The following PATJ variants were observed in gnomAD, a reference collection of about 807,000 sequenced individuals.
PATJ encodes PATJ crumbs cell polarity complex component.
Under a neutral mutation model 224.9 loss-of-function variants are expected in PATJ, and 190 were observed. That is an observed-to-expected ratio of 0.84 (90% CI 0.75 to 0.95). The LOEUF is 0.95. Among genes scored for constraint, PATJ ranks in the 40% least tolerant of loss-of-function variants. PATJ has a pLI of 0.00. For missense variants in PATJ, 2,121 were observed against 2,270.3 expected (o/e 0.93, Z 1.34); for synonymous variants, 769 against 820.3 (o/e 0.94, Z 1.07).
intron 14 of PATJ, among the ~76,000 whole-genome samples, chr1:61,811,798 A>G (rs1160020425): frequency 6.6e-6 from 1 of 150,882 alleles, no homozygotes; most frequent in Non-Finnish European, 1.5e-5. Context: ...GCGGTGGCTC[A>G]CGCCTGTAAT....
chr1:61,806,202 T>G (rs1341186027), intron 13 of PATJ, among the ~76,000 whole-genome samples: 1 of 152,242 alleles, frequency 6.6e-6, no homozygotes, highest in Non-Finnish European at 1.5e-5. Flanking sequence ...ACATTTCTAC[T>G]CTCATTCACA....
intron 17 of PATJ, among the ~76,000 whole-genome samples, chr1:61,838,854 A>T (rs898370379): frequency 3.3e-5 from 5 of 152,102 alleles, no homozygotes; most frequent in East Asian, 3.9e-4. Context: ...GTGGAAGATT[A>T]CTGATACTCC....
chr1:62,117,333 C>T (rs1165347846), intron 37 of PATJ, 115 bp downstream of exon 37: 1 of 1,467,592 alleles, frequency 6.8e-7, no homozygotes, highest in South Asian at 1.4e-5. Context: ...ATATTCACAG[C>T]ACCAAGTTTA....
chr1:61,884,161 C>A, intron 21 of PATJ, 76 bp from the exon 22 acceptor site: 1 of 1,107,208 alleles, frequency 9.0e-7, no homozygotes, highest in Non-Finnish European at 1.3e-6. Flanking sequence ...ATAGTAGGTG[C>A]CCATACCTAG....
At chr1:61,765,467 T>A (rs959955153) in intron 3 of PATJ, among the ~76,000 whole-genome samples, 7 of 151,800 alleles carry the variant, frequency 4.6e-5, no homozygotes, top group Non-Finnish European at 8.8e-5. Flanking sequence ...CACTGTAGCC[T>A]CCACCTGCGG....
At chr1:62,107,036 A>G (rs190361461) in intron 33 of PATJ, among the ~76,000 whole-genome samples, 12 of 151,518 alleles carry the variant, frequency 7.9e-5, no homozygotes, top group East Asian at 2.0e-4. Flanking sequence ...GGCTGGGTGC[A>G]GTGGCTCACA....
chr1:61,842,858 G>T (rs563145009), intron 17 of PATJ, among the ~76,000 whole-genome samples: 6 of 152,294 alleles, frequency 3.9e-5, no homozygotes, highest in African/African-American at 1.4e-4. Context: ...CAATGGATGT[G>T]TTCTGGAGTT....
At chr1:62,039,712 A>G (rs1228472259) in intron 30 of PATJ, among the ~76,000 whole-genome samples, 1 of 152,154 alleles carries the variant, frequency 6.6e-6, no homozygotes, top group African/African-American at 2.4e-5. Flanking sequence ...GGGAAGGAGT[A>G]CAGGCTTCCT....
chr1:61,910,176 T>G (rs1291151965), intron 25 of PATJ, among the ~76,000 whole-genome samples: 1 of 152,242 alleles, frequency 6.6e-6, no homozygotes, highest in Admixed American at 6.5e-5. Context: ...ATCAATAATT[T>G]TGAATGAGAA....
At position 62,117,175 on chromosome 1, in the gene PATJ, C is replaced by G. The variant is rs41289430; in HGVS notation, c.4847C>G (p.Ala1616Gly). ...CAGCTAGAGATTGGAAGACTCCGAG[C>G]TGGTTCCTGGACCTCCGCAAGGACG... is the stretch of plus-strand genomic sequence containing the variant. ...LVQLEIGRLR[A>G]GSWTSARTTS... is the part of the protein sequence containing the mutation. The change falls in exon 37 of 44, where the codon GCT becomes GGT. Residue 1616 changes from alanine (A) to glycine (G), a missense_variant. Physicochemically the swap from Ala to Gly is moderately conservative, Grantham distance 60 (BLOSUM62 0). Transcript: ENST00000642238. 31,377 of 1,613,984 alleles carry G rather than the reference C, an allele frequency of 0.019. 378 individuals are homozygous for G. The highest frequency in any genetic ancestry group is 0.024 in the Non-Finnish European group (28,482 of 1,179,884).
At chr1:61,746,750 T>A (rs1014265747) in intron 1 of PATJ, among the ~76,000 whole-genome samples, 1 of 151,910 alleles carries the variant, frequency 6.6e-6, no homozygotes, top group African/African-American at 2.4e-5. Flanking sequence ...GCTAACATAT[T>A]CATTGTAGAA....
chr1:61,948,398 G>T (rs1282082361), intron 27 of PATJ, among the ~76,000 whole-genome samples: 1 of 152,160 alleles, frequency 6.6e-6, no homozygotes, highest in East Asian at 1.9e-4. Flanking sequence ...CAAAAAGTGG[G>T]CAAAGGATAT....
At chr1:61,986,833 T>C (rs1456157766) in intron 27 of PATJ, among the ~76,000 whole-genome samples, 1 of 152,150 alleles carries the variant, frequency 6.6e-6, no homozygotes, top group Non-Finnish European at 1.5e-5. Flanking sequence ...TTTGTTTTGT[T>C]TGTTGGTGAT....
chr1:61,923,440 A>G (rs1674626652), intron 26 of PATJ, among the ~76,000 whole-genome samples: 1 of 152,216 alleles, frequency 6.6e-6, no homozygotes, highest in South Asian at 2.1e-4. Context: ...CAAAGTTAGG[A>G]GGCCAGGAGA....
intron 13 of PATJ, among the ~76,000 whole-genome samples, chr1:61,808,249 A>G (rs1190755014): frequency 1.3e-5 from 2 of 152,178 alleles, no homozygotes; most frequent in African/African-American, 2.4e-5. Context: ...TGTTCAATTT[A>G]TGTAATTTAG....
chr1:61,757,568 TAGATAC>T (rs753020781), intron 1 of PATJ, among the ~76,000 whole-genome samples: 5 of 151,902 alleles, frequency 3.3e-5, no homozygotes, highest in Admixed American at 1.3e-4. Flanking sequence ...GTGTTTTATG[TAGATAC>T]AGGGCTTTGC....
chr1:61,940,736 A>G (rs1260524405), intron 27 of PATJ, among the ~76,000 whole-genome samples: 1 of 150,728 alleles, frequency 6.6e-6, no homozygotes, highest in African/African-American at 2.5e-5. Flanking sequence ...AAAAAAAAAG[A>G]GAAAAAGAAA....
At chr1:62,010,910 C>T (rs76337898) in intron 28 of PATJ, among the ~76,000 whole-genome samples, 4,493 of 152,284 alleles carry the variant, frequency 0.03, 169 homozygotes, top group African/African-American at 0.079. Flanking sequence ...TCTACATCAT[C>T]ACTTGCTGCT....
chr1:61,959,434 C>CTT (rs1367332894), intron 27 of PATJ, among the ~76,000 whole-genome samples: 25 of 115,972 alleles, frequency 2.2e-4, no homozygotes, highest in African/African-American at 3.4e-4. Context: ...TATTTTTTTT[C>CTT]TTTTCTTTTT....
Sources: gnomAD v4.1 joint callset for allele counts (sites outside exome capture counted in the v4.1 genomes callset) on GRCh38, gnomAD v4.1.1 for gene constraint, MANE v1.5 for transcripts, NCBI Gene and HGNC (gene_info 2026-07-23, HGNC 2026-07-21) for gene names.